The following PHF21B variants were observed in gnomAD, a reference collection of about 807,000 sequenced individuals.
PHF21B encodes PHD finger protein 4.
Under a neutral mutation model 62.2 loss-of-function variants are expected in PHF21B, and 22 were observed. That is an observed-to-expected ratio of 0.35 (90% CI 0.25 to 0.51). The LOEUF is 0.51. Ranked by LOEUF, PHF21B falls within the 20% of genes least tolerant of loss-of-function variation. The pLI is 0.97. For missense variants in PHF21B, 701 were observed against 707.9 expected (o/e 0.99, Z 0.11); for synonymous variants, 341 against 314.7 (o/e 1.08, Z -0.88).
At chr22:44,946,486 G>A (rs937734252) in intron 2 of PHF21B, among the ~76,000 whole-genome samples, 4 of 152,064 alleles carry the variant, frequency 2.6e-5, no homozygotes, top group Admixed American at 6.6e-5. Context: ...GAGGAAACAC[G>A]GAAAGTCCTG....
intron 2 of PHF21B, among the ~76,000 whole-genome samples, chr22:44,974,778 G>A (rs2072706228): frequency 6.6e-6 from 1 of 152,216 alleles, no homozygotes; most frequent in African/African-American, 2.4e-5. Flanking sequence ...GCGTGAATAT[G>A]ATTTAGATCT....
At chr22:44,972,493 G>A (rs1010101526) in intron 2 of PHF21B, among the ~76,000 whole-genome samples, 1 of 152,068 alleles carries the variant, frequency 6.6e-6, no homozygotes, top group Non-Finnish European at 1.5e-5. Flanking sequence ...CGGCTGCTCA[G>A]TGCAATGAGG....
At chr22:44,888,546 T>A (rs2070901285) in intron 9 of PHF21B, among the ~76,000 whole-genome samples, 1 of 152,000 alleles carries the variant, frequency 6.6e-6, no homozygotes, top group African/African-American at 2.4e-5. Context: ...AATGCAGCAC[T>A]CCCTCCCCGC....
chr22:44,884,054 C>CATGATCACCATT (rs1569203866), intron 12 of PHF21B, among the ~76,000 whole-genome samples: 1 of 149,130 alleles, frequency 6.7e-6, no homozygotes, highest in African/African-American at 2.4e-5. Context: ...CCACCACCAC[C>CATGATCACCATT]ATCACCACCA....
chr22:44,933,620 G>T, intron 2 of PHF21B: 1 of 822,494 alleles, frequency 1.2e-6, no homozygotes, highest in Non-Finnish European at 1.5e-6. Context: ...AGCGTTAAGT[G>T]GGGTGGGGGA....
chr22:45,008,829 C>T (rs2147556503), intron 1 of PHF21B: 1 of 1,182,508 alleles, frequency 8.5e-7, no homozygotes, highest in Non-Finnish European at 1.0e-6. Flanking sequence ...GCTCGCGGGG[C>T]GGGGCGGGGG....
chr22:44,920,692 C>T (rs1303706245), intron 2 of PHF21B, among the ~76,000 whole-genome samples: 1 of 152,220 alleles, frequency 6.6e-6, no homozygotes, highest in Non-Finnish European at 1.5e-5. Context: ...AGGAAAAGAG[C>T]AGCACTGCCC....
At chr22:44,949,318 A>AAAAAAAAAAAAAAAAG (rs1569248310) in intron 2 of PHF21B, among the ~76,000 whole-genome samples, 1 of 144,792 alleles carries the variant, frequency 6.9e-6, no homozygotes, top group Non-Finnish European at 1.5e-5. Context: ...AAGAAAAAAA[A>AAAAAAAAAAAAAAAAG]AAAAAAAGAA....
At chr22:44,972,323 A>G (rs1361240217) in intron 2 of PHF21B, among the ~76,000 whole-genome samples, 1 of 152,210 alleles carries the variant, frequency 6.6e-6, no homozygotes. Context: ...GGTAAAATGT[A>G]TCATGAGTGA....
chr22:44,884,081 C>T (rs2070791168), intron 12 of PHF21B, among the ~76,000 whole-genome samples: 1 of 149,344 alleles, frequency 6.7e-6, no homozygotes, highest in South Asian at 2.1e-4. Flanking sequence ...TCACCATTAT[C>T]ACCACCGCCA....
intron 2 of PHF21B, among the ~76,000 whole-genome samples, chr22:44,957,396 G>T (rs1160055998): frequency 1.3e-5 from 2 of 152,234 alleles, no homozygotes; most frequent in Non-Finnish European, 2.9e-5. Flanking sequence ...GAGAGACCTG[G>T]GCTGCCGCAC....
At chr22:44,886,059 G>T in intron 10 of PHF21B, 121 bp from the exon 11 acceptor site, 1 of 836,722 alleles carries the variant, frequency 1.2e-6, no homozygotes, top group Non-Finnish European at 1.9e-6. Context: ...GTCCTCACCC[G>T]TGACCAGGAG....
intron 2 of PHF21B, among the ~76,000 whole-genome samples, chr22:44,999,730 A>C (rs537151879): frequency 3.6e-4 from 55 of 152,084 alleles, no homozygotes; most frequent in African/African-American, 1.3e-3. Context: ...GAAGCTGGGC[A>C]CCCAATGGTC....
intron 6 of PHF21B, among the ~76,000 whole-genome samples, chr22:44,894,143 G>C (rs1601571999): frequency 6.6e-6 from 1 of 152,168 alleles, no homozygotes; most frequent in African/African-American, 2.4e-5. Context: ...ACCTAGTTTT[G>C]CTTTTTAAAC....
chr22:44,969,687 G>C (rs190446271), intron 2 of PHF21B, among the ~76,000 whole-genome samples: 1 of 152,010 alleles, frequency 6.6e-6, no homozygotes, highest in East Asian at 1.9e-4. Flanking sequence ...AAAAGAAAAA[G>C]AAAAATGGAG....
chr22:44,976,664 A>T (rs777243549), intron 2 of PHF21B, among the ~76,000 whole-genome samples: 70 of 152,356 alleles, frequency 4.6e-4, no homozygotes, highest in Middle Eastern at 3.4e-3. Flanking sequence ...AGGACAGCCC[A>T]GACCCATCTG....
At chr22:44,983,183 G>A (rs966844408) in intron 2 of PHF21B, among the ~76,000 whole-genome samples, 11 of 151,036 alleles carry the variant, frequency 7.3e-5, no homozygotes, top group Admixed American at 1.3e-4. Context: ...ACAGTGAGCC[G>A]AGATCATGCC....
At chr22:44,935,143 A>T (rs1415652430) in intron 2 of PHF21B, among the ~76,000 whole-genome samples, 2 of 152,176 alleles carry the variant, frequency 1.3e-5, no homozygotes, top group African/African-American at 4.8e-5. Flanking sequence ...ACTCCCTCTG[A>T]CCTGCGTCTA....
intron 5 of PHF21B, among the ~76,000 whole-genome samples, chr22:44,912,223 G>C (rs774190598): frequency 6.6e-6 from 1 of 152,156 alleles, no homozygotes; most frequent in Non-Finnish European, 1.5e-5. Context: ...GCCTTGTCTC[G>C]GATGAGACTT....
Sources: gnomAD v4.1 joint callset for allele counts (sites outside exome capture counted in the v4.1 genomes callset) on GRCh38, gnomAD v4.1.1 for gene constraint, MANE v1.5 for transcripts, NCBI Gene and HGNC (gene_info 2026-07-23, HGNC 2026-07-21) for gene names.